DGKB: variants seen among roughly 807,000 people sequenced by gnomAD.
DGKB encodes the protein 90 kDa diacylglycerol kinase.
A neutral mutation model predicts 114.3 loss-of-function variants in DGKB; 67 were observed. The observed-to-expected ratio is 0.59, with a 90% CI of 0.48 to 0.72. The LOEUF is 0.72. Ranked by LOEUF, DGKB falls within the 30% of genes least tolerant of loss-of-function variation. The pLI is 0.00. For missense variants in DGKB, 907 were observed against 975.2 expected (o/e 0.93, Z 0.93); for synonymous variants, 398 against 323.1 (o/e 1.23, Z -2.49).
At chr7:14,614,333 A>G (rs1806138830) in intron 15 of DGKB, among the ~76,000 whole-genome samples, 1 of 152,130 alleles carries the variant, frequency 6.6e-6, no homozygotes, top group Non-Finnish European at 1.5e-5. Context: ...GACTTTTTAA[A>G]ATAAAAGTAT....
At chr7:14,872,790 GT>G (rs1852667987) in intron 1 of DGKB, among the ~76,000 whole-genome samples, 1 of 150,008 alleles carries the variant, frequency 6.7e-6, no homozygotes, top group Non-Finnish European at 1.5e-5. Context: ...GATTGTTTAT[GT>G]AACATATATG....
chr7:14,650,354 G>A (rs1445630885), intron 13 of DGKB, among the ~76,000 whole-genome samples: 3 of 45,258 alleles, frequency 6.6e-5, no homozygotes, highest in African/African-American at 1.0e-4. Context: ...ACTCAAAGCC[G>A]CTCAACTACA....
At chr7:14,898,170 C>T (rs1336205032) in intron 1 of DGKB, among the ~76,000 whole-genome samples, 2 of 151,902 alleles carry the variant, frequency 1.3e-5, no homozygotes, top group Admixed American at 6.6e-5. Context: ...GACAAAAACA[C>T]ATTATCAAAT....
intron 2 of DGKB, among the ~76,000 whole-genome samples, chr7:14,769,369 A>G (rs972072069): frequency 2.6e-5 from 4 of 152,144 alleles, no homozygotes; most frequent in Non-Finnish European, 5.9e-5. Flanking sequence ...TCTGAAAATC[A>G]AAGAAGAGCA....
chr7:14,282,404 T>C (rs1800120248), intron 23 of DGKB, among the ~76,000 whole-genome samples: 1 of 140,568 alleles, frequency 7.1e-6, no homozygotes, highest in African/African-American at 2.6e-5. Flanking sequence ...CAGGACCAGA[T>C]GGATTCACAG....
chr7:14,772,985 C>T (rs991056621), intron 2 of DGKB, among the ~76,000 whole-genome samples: 2 of 152,122 alleles, frequency 1.3e-5, no homozygotes, highest in African/African-American at 4.8e-5. Flanking sequence ...CTTTAATCTT[C>T]AAAAGAAACA....
chr7:14,923,668 A>G (rs1267269164), intron 1 of DGKB, among the ~76,000 whole-genome samples: 1 of 152,084 alleles, frequency 6.6e-6, no homozygotes, highest in East Asian at 1.9e-4. Flanking sequence ...CCATGGAGCA[A>G]CCATCAAAAT....
At chr7:14,901,366 A>C (rs1431016188) in intron 1 of DGKB, among the ~76,000 whole-genome samples, 6 of 152,224 alleles carry the variant, frequency 3.9e-5, no homozygotes, top group Non-Finnish European at 7.3e-5. Context: ...AGAGGATTTC[A>C]GAATTACTTT....
chr7:14,779,089 G>T (rs1457020739), intron 2 of DGKB, among the ~76,000 whole-genome samples: 1 of 152,070 alleles, frequency 6.6e-6, no homozygotes, highest in African/African-American at 2.4e-5. Context: ...ATGGGAGGGA[G>T]AGGTTGCAGT....
intron 23 of DGKB, among the ~76,000 whole-genome samples, chr7:14,319,829 C>T (rs1287495572): frequency 6.6e-6 from 1 of 152,182 alleles, no homozygotes; most frequent in Non-Finnish European, 1.5e-5. Flanking sequence ...ATACTTACAG[C>T]ACTAAGAAAA....
chr7:14,917,878 C>T (rs1267315098), intron 1 of DGKB, among the ~76,000 whole-genome samples: 1 of 151,992 alleles, frequency 6.6e-6, no homozygotes, highest in East Asian at 1.9e-4. Flanking sequence ...AAATTGAATC[C>T]AACAACGTAT....
At chr7:14,668,563 T>C (rs919562557) in intron 13 of DGKB, among the ~76,000 whole-genome samples, 1 of 152,166 alleles carries the variant, frequency 6.6e-6, no homozygotes, top group African/African-American at 2.4e-5. Flanking sequence ...ATTTATCTTA[T>C]GTTGTCACTT....
At chr7:14,665,040 A>G (rs1817782827) in intron 13 of DGKB, among the ~76,000 whole-genome samples, 1 of 152,076 alleles carries the variant, frequency 6.6e-6, no homozygotes, top group Non-Finnish European at 1.5e-5. Flanking sequence ...AACAATTCAT[A>G]TAAAACAATG....
chr7:14,931,929 C>G (rs1371461737), intron 1 of DGKB, among the ~76,000 whole-genome samples: 2 of 152,104 alleles, frequency 1.3e-5, no homozygotes, highest in Non-Finnish European at 2.9e-5. Context: ...CTGCAGGAGT[C>G]CATTCCCTGC....
intron 20 of DGKB, among the ~76,000 whole-genome samples, chr7:14,553,116 A>G (rs905501991): frequency 6.6e-6 from 1 of 152,252 alleles, no homozygotes; most frequent in African/African-American, 2.4e-5. Context: ...CAAGCAGCTC[A>G]GCACAGATGA....
intron 1 of DGKB, among the ~76,000 whole-genome samples, chr7:14,914,004 G>GTA (rs1399263260): frequency 6.6e-6 from 1 of 152,110 alleles, no homozygotes; most frequent in East Asian, 1.9e-4. Context: ...AGCCCTACTA[G>GTA]GTTCTCATGG....
chr7:14,737,528 C>G (rs780625586), intron 4 of DGKB, among the ~76,000 whole-genome samples: 1 of 151,916 alleles, frequency 6.6e-6, no homozygotes, highest in African/African-American at 2.4e-5. Flanking sequence ...TCAGGAATAT[C>G]ATTAGACATA....
chr7:14,413,781 T>C (rs1825273115), intron 21 of DGKB, among the ~76,000 whole-genome samples: 1 of 152,142 alleles, frequency 6.6e-6, no homozygotes. Context: ...GTAGACAGTA[T>C]TGGATCAGAC....
intron 20 of DGKB, among the ~76,000 whole-genome samples, chr7:14,510,815 T>C (rs926035482): frequency 1.3e-5 from 2 of 152,304 alleles, no homozygotes; most frequent in South Asian, 4.1e-4. Context: ...AGAATGAATG[T>C]TGTGTTAGCA....
Sources: gnomAD v4.1 joint callset for allele counts (sites outside exome capture counted in the v4.1 genomes callset) on GRCh38, gnomAD v4.1.1 for gene constraint, MANE v1.5 for transcripts, NCBI Gene and HGNC (gene_info 2026-07-23, HGNC 2026-07-21) for gene names.